Variants in FAM135B observed in about 807,000 individuals in gnomAD.
The protein encoded by FAM135B is family with sequence similarity 135 member B.
Under a neutral mutation model 127.7 loss-of-function variants are expected in FAM135B, and 43 were observed. The observed-to-expected ratio is 0.34, with a 90% CI of 0.26 to 0.43. The LOEUF is 0.43. FAM135B is among the 20% of genes least tolerant of loss of function. The probability of loss-of-function intolerance (pLI) is 1.00; values close to 1 mark genes in which losing one functional copy is unlikely to be tolerated. For synonymous variants in FAM135B, 670 were observed against 665.1 expected (o/e 1.01, Z -0.11); for missense variants, 1,558 against 1,725.6 (o/e 0.90, Z 1.72).
chr8:138,485,343 C>T (rs1196167364), intron 1 of FAM135B, among the ~76,000 whole-genome samples: 1 of 152,130 alleles, frequency 6.6e-6, no homozygotes, highest in Admixed American at 6.5e-5. Context: ...TTCCCTTCGT[C>T]CATCCCATCC....
chr8:138,276,776 G>C (rs1042838779), intron 3 of FAM135B, among the ~76,000 whole-genome samples: 3 of 152,044 alleles, frequency 2.0e-5, no homozygotes, highest in African/African-American at 7.2e-5. Flanking sequence ...AGCAGGGCAG[G>C]ATATTCAAAA....
intron 3 of FAM135B, among the ~76,000 whole-genome samples, chr8:138,305,102 T>C (rs890499143): frequency 2.6e-5 from 4 of 152,196 alleles, no homozygotes; most frequent in Non-Finnish European, 4.4e-5. Context: ...GAAAAGAAAT[T>C]AGATTGATTC....
intron 1 of FAM135B, among the ~76,000 whole-genome samples, chr8:138,401,961 G>A (rs1292055616): frequency 1.3e-5 from 2 of 152,096 alleles, no homozygotes; most frequent in South Asian, 2.1e-4. Flanking sequence ...ATACCAGTCC[G>A]CTTACAAAGA....
intron 2 of FAM135B, among the ~76,000 whole-genome samples, chr8:138,335,049 T>G (rs1229465223): frequency 1.3e-5 from 2 of 152,244 alleles, no homozygotes; most frequent in Non-Finnish European, 2.9e-5. Flanking sequence ...GAATACATTT[T>G]TTCTTATTCT....
At chr8:138,221,264 G>A (rs1819005211) in intron 7 of FAM135B, among the ~76,000 whole-genome samples, 1 of 152,140 alleles carries the variant, frequency 6.6e-6, no homozygotes, top group Non-Finnish European at 1.5e-5. Flanking sequence ...GGAGAAGCAG[G>A]CACCTCTTAG....
chr8:138,244,590 T>C (rs1821140015), intron 6 of FAM135B, among the ~76,000 whole-genome samples: 1 of 152,182 alleles, frequency 6.6e-6, no homozygotes, highest in African/African-American at 2.4e-5. Context: ...ACCACACATA[T>C]AATAAAATAG....
chr8:138,341,374 A>G (rs572297584), intron 2 of FAM135B, among the ~76,000 whole-genome samples: 24 of 152,212 alleles, frequency 1.6e-4, no homozygotes, highest in Non-Finnish European at 1.6e-4. Context: ...AAATTCATAG[A>G]GATACAAAGT....
At chr8:138,481,302 C>G (rs1814769930) in intron 1 of FAM135B, among the ~76,000 whole-genome samples, 1 of 152,206 alleles carries the variant, frequency 6.6e-6, no homozygotes, top group South Asian at 2.1e-4. Context: ...CAAAAATAGT[C>G]TTGTTATCTC....
At chr8:138,154,160 A>G (rs1189950038) in intron 12 of FAM135B, among the ~76,000 whole-genome samples, 4 of 152,196 alleles carry the variant, frequency 2.6e-5, no homozygotes, top group Non-Finnish European at 5.9e-5. Context: ...TCCACTGGTG[A>G]TACCCAGGCA....
At chr8:138,202,014 A>G (rs1255500499) in intron 7 of FAM135B, among the ~76,000 whole-genome samples, 1 of 150,910 alleles carries the variant, frequency 6.6e-6, no homozygotes, top group African/African-American at 2.4e-5. Flanking sequence ...AATCCCAGCT[A>G]CTCAGGAGGC....
In FAM135B at chr8:138,243,075, A is replaced by G. The variant is rs2130387847; in HGVS notation, c.543-7T>C. On this transcript the variant is annotated splice_polypyrimidine_tract_variant and splice_region_variant and intron_variant, in intron 6 of 19. Coordinates refer to ENST00000395297, the MANE Select transcript of FAM135B (RefSeq NM_015912.4). The surrounding 1 kb of genome is among the most constrained non-coding windows in gnomAD (Gnocchi z 7.5). ...TCTTCCTGGACGAGTAAAACTAAAC[A>G]AAAGATAATTGAAAGGGTGAAAAAG... 6.2e-7 allele frequency: 1 copy of G among 1,604,150 alleles called. No homozygotes were observed. The highest frequency in any genetic ancestry group is 8.5e-7 in the Non-Finnish European group (1 of 1,176,332).
intron 1 of FAM135B, among the ~76,000 whole-genome samples, chr8:138,493,858 G>C (rs1321502382): frequency 8.4e-6 from 1 of 118,694 alleles, no homozygotes; most frequent in Non-Finnish European, 1.6e-5. Flanking sequence ...AGGAAACTGA[G>C]GCACAAGACA....
At chr8:138,326,478 G>A (rs747147615) in intron 2 of FAM135B, among the ~76,000 whole-genome samples, 3 of 152,134 alleles carry the variant, frequency 2.0e-5, no homozygotes, top group Admixed American at 1.3e-4. Flanking sequence ...AGCTTGAAAT[G>A]TCACGAGTAA....
chr8:138,379,320 A>G (rs1486934336), intron 1 of FAM135B, among the ~76,000 whole-genome samples: 1 of 152,108 alleles, frequency 6.6e-6, no homozygotes, highest in African/African-American at 2.4e-5. Flanking sequence ...TAATCCTACT[A>G]TAGTAATATC....
At chr8:138,296,439 G>A (rs995419502) in intron 3 of FAM135B, among the ~76,000 whole-genome samples, 1 of 152,172 alleles carries the variant, frequency 6.6e-6, no homozygotes, top group African/African-American at 2.4e-5. Context: ...AGGCAATGGA[G>A]CTCCTTCTTT....
intron 3 of FAM135B, among the ~76,000 whole-genome samples, chr8:138,301,715 T>G (rs140502890): frequency 6.6e-6 from 1 of 152,220 alleles, no homozygotes; most frequent in Non-Finnish European, 1.5e-5. Flanking sequence ...TCATGAAAGA[T>G]TAACTTATAT....
chr8:138,194,573 T>C (rs926568092), intron 9 of FAM135B, among the ~76,000 whole-genome samples: 3 of 152,174 alleles, frequency 2.0e-5, no homozygotes, highest in Non-Finnish European at 4.4e-5. Context: ...TGAGAAACAC[T>C]GGTTTAACAG....
At chr8:138,457,215 G>C (rs1039571289) in intron 1 of FAM135B, among the ~76,000 whole-genome samples, 2 of 152,094 alleles carry the variant, frequency 1.3e-5, no homozygotes, top group African/African-American at 4.8e-5. Context: ...ACAGAGGGAG[G>C]GAAGGGTGTG....
chr8:138,425,740 T>C (rs867139096), intron 1 of FAM135B, among the ~76,000 whole-genome samples: 3 of 151,654 alleles, frequency 2.0e-5, no homozygotes, highest in African/African-American at 7.3e-5. Context: ...CCATGCTTTC[T>C]CCTGAACTTT....
Sources: gnomAD v4.1 joint callset for allele counts (sites outside exome capture counted in the v4.1 genomes callset) on GRCh38, gnomAD v4.1.1 for gene constraint, Gnocchi (gnomAD v3.1) non-coding constraint, MANE v1.5 for transcripts, NCBI Gene and HGNC (gene_info 2026-07-23, HGNC 2026-07-21) for gene names.